The following POLR3B variants were observed in gnomAD, a reference collection of about 807,000 sequenced individuals.
POLR3B encodes the protein DNA-directed RNA polymerase III subunit RPC2.
In POLR3B, 96 loss-of-function variants were observed where a neutral mutation model predicts 147.4. The observed-to-expected ratio is 0.65, with a 90% CI of 0.55 to 0.77. The LOEUF is 0.77. Among genes scored for constraint, POLR3B ranks in the 30% least tolerant of loss-of-function variants. The pLI, the probability that POLR3B is intolerant of heterozygous loss-of-function variation, is 0.00. For synonymous variants in POLR3B, 461 were observed against 485.9 expected (o/e 0.95, Z 0.67); for missense variants, 1,036 against 1,413.5 (o/e 0.73, Z 4.28).
At chr12:106,365,535 A>G (rs975038116) in intron 2 of POLR3B, among the ~76,000 whole-genome samples, 1 of 151,900 alleles carries the variant, frequency 6.6e-6, no homozygotes, top group Non-Finnish European at 1.5e-5. Context: ...GTTATTTTTT[A>G]AAAGGAGCTG....
intron 23 of POLR3B, among the ~76,000 whole-genome samples, chr12:106,489,005 G>A (rs1216756248): frequency 6.6e-6 from 1 of 151,842 alleles, no homozygotes; most frequent in Non-Finnish European, 1.5e-5. Context: ...CTTTGATGTG[G>A]AGAGAAAAAA....
intron 27 of POLR3B, among the ~76,000 whole-genome samples, chr12:106,505,574 G>A (rs570027628): frequency 5.7e-4 from 86 of 152,176 alleles, no homozygotes; most frequent in African/African-American, 1.9e-3. Flanking sequence ...ACCATGCCCA[G>A]CCAAAAGTGA....
chr12:106,445,705 G>A lies in POLR3B; in HGVS notation c.2083+1115G>A, dbSNP rs887300129. Among the ~76,000 whole-genome samples, 33 of 152,138 alleles carry A rather than the reference G, an allele frequency of 2.2e-4. 2 individuals are homozygous for A. The highest frequency in any genetic ancestry group is 2.2e-3 in the Admixed American group (33 of 15,290). ...TCATATATGCCCATGACACCAATATGATTGCCATCTCTGATTTAAAGTATG... is the reference window on the plus strand; with the variant it reads ...TCATATATGCCCATGACACCAATATAATTGCCATCTCTGATTTAAAGTATG... On this transcript the variant is annotated intron_variant, in intron 19 of 27. Coordinates refer to ENST00000228347, the MANE Select transcript of POLR3B (RefSeq NM_018082.6).
chr12:106,451,907 G>T (rs186597992), intron 19 of POLR3B, among the ~76,000 whole-genome samples: 2 of 152,222 alleles, frequency 1.3e-5, no homozygotes, highest in East Asian at 3.9e-4. Context: ...TTATGCCTTA[G>T]TAAGTAAAGG....
At chr12:106,431,770 A>C (rs2037514319) in intron 14 of POLR3B, among the ~76,000 whole-genome samples, 1 of 152,186 alleles carries the variant, frequency 6.6e-6, no homozygotes, top group Non-Finnish European at 1.5e-5. Context: ...ATCCAGAATC[A>C]CACATTGTTT....
intron 23 of POLR3B, among the ~76,000 whole-genome samples, chr12:106,477,830 C>T (rs1304704756): frequency 7.4e-5 from 11 of 149,142 alleles, no homozygotes; most frequent in South Asian, 2.1e-4. Context: ...TCTTCTGCGT[C>T]GCTCACGGGC....
At chr12:106,422,306 T>G (rs951728300) in intron 12 of POLR3B, among the ~76,000 whole-genome samples, 2 of 152,170 alleles carry the variant, frequency 1.3e-5, no homozygotes, top group Non-Finnish European at 2.9e-5. Flanking sequence ...TCTGGCCATA[T>G]AAGACATGCT....
At chr12:106,378,424 C>A in intron 8 of POLR3B, 40 bp downstream of exon 8, 2 of 1,234,294 alleles carry the variant, frequency 1.6e-6, no homozygotes, top group South Asian at 1.2e-5. Flanking sequence ...CAATATTGGT[C>A]ATTCCATTAG....
chr12:106,387,884 G>T (rs529219198), intron 9 of POLR3B, among the ~76,000 whole-genome samples: 8 of 152,190 alleles, frequency 5.3e-5, no homozygotes, highest in Non-Finnish European at 8.8e-5. Context: ...TGGAAGGGGA[G>T]TGCCCTTTTT....
At position 106,452,271 on chromosome 12, in the gene POLR3B, C is replaced by A. The variant is rs375899774; in HGVS notation, c.2084-2231C>A. Reference sequence around the variant, plus strand: ...GTCAGTGCTGCTAAAAATGCACGTACATGTATACTCTCACAAGTTCTTTAA... The same window carrying A: ...GTCAGTGCTGCTAAAAATGCACGTAAATGTATACTCTCACAAGTTCTTTAA... On this transcript the variant is annotated intron_variant, in intron 19 of 27. Coordinates refer to ENST00000228347, the MANE Select transcript of POLR3B (RefSeq NM_018082.6). Among the ~76,000 whole-genome samples, 5 of 152,220 alleles carry A rather than the reference C, an allele frequency of 3.3e-5. No individual in the cohort carries two copies. The East Asian group carries it at 9.6e-4, about 29-fold the overall frequency.
chr12:106,383,463 T>G (rs1404412272), intron 9 of POLR3B, among the ~76,000 whole-genome samples: 4 of 91,278 alleles, frequency 4.4e-5, no homozygotes, highest in Admixed American at 4.0e-4. Context: ...CATGCAACCC[T>G]TTTTTTTACT....
At chr12:106,435,438 C>T (rs1403312409) in intron 16 of POLR3B, among the ~76,000 whole-genome samples, 2 of 152,176 alleles carry the variant, frequency 1.3e-5, no homozygotes, top group Admixed American at 6.5e-5. Context: ...AGCCATCGCA[C>T]CCAGCACCTG....
In POLR3B at chr12:106,478,023, G is replaced by C. The variant is rs190272371; in HGVS notation, c.2713+14403G>C. ...GGGTTCAAGCAATTCTTCTGCCTCA[G>C]CATCCCCCATTAGCTGGGACTACAG... On this transcript the variant is annotated intron_variant, in intron 23 of 27. Coordinates refer to ENST00000228347, the MANE Select transcript of POLR3B (RefSeq NM_018082.6). 1.1e-3 allele frequency among the ~76,000 whole-genome samples: 165 copies of C among 144,618 alleles called. 4 individuals are homozygous for C. The East Asian group carries it at 0.021, about 18-fold the overall frequency. The allele number at this position is 144,618 out of a possible 152,430, so 94.9% of individuals were successfully genotyped here. A position where few individuals can be genotyped will look rare whatever the true frequency, so the allele number is the denominator to read the frequency against.
chr12:106,380,530 C>G (rs1379973508), intron 9 of POLR3B, among the ~76,000 whole-genome samples: 1 of 152,068 alleles, frequency 6.6e-6, no homozygotes, highest in Non-Finnish European at 1.5e-5. Context: ...TTGCAGTGAG[C>G]TGAGATTGTG....
chr12:106,497,850 C>T (rs1180126209), intron 25 of POLR3B, among the ~76,000 whole-genome samples: 3 of 152,158 alleles, frequency 2.0e-5, no homozygotes, highest in Non-Finnish European at 2.9e-5. Context: ...AAACTATAAC[C>T]CCATACTGCC....
intron 23 of POLR3B, among the ~76,000 whole-genome samples, chr12:106,477,772 C>T (rs2038197659): frequency 6.6e-6 from 1 of 152,132 alleles, no homozygotes; most frequent in Non-Finnish European, 1.5e-5. Context: ...CTGGCACTCC[C>T]TACTGAGATG....
Position 106,430,397 on chromosome 12 carries a change from G to A in POLR3B, c.1388G>A (p.Arg463Lys). Reference sequence around the variant, plus strand: ...ATCTCTTCCCAGTTTGAAAAAACGAGAAAAGTGAGTGGTCCTCGCTCCCTC... The same window carrying A: ...ATCTCTTCCCAGTTTGAAAAAACGAAAAAAGTGAGTGGTCCTCGCTCCCTC... Reference protein sequence around the residue: ...TRISSQFEKTRKVSGPRSLQP... With the variant: ...TRISSQFEKTKKVSGPRSLQP... Residue 463 changes from arginine (R) to lysine (K), a missense_variant, in exon 14 of 28, where the codon AGA becomes AAA. Around this residue, in one of 12 missense-constraint regions of POLR3B, gnomAD observed 4 missense variants for 25.1 expected, o/e 0.16. Coordinates refer to ENST00000228347, the MANE Select transcript of POLR3B (RefSeq NM_018082.6). 6.2e-7 allele frequency: 1 copy of A among 1,613,958 alleles called. No individual in the cohort carries two copies. Among genetic ancestry groups the A allele is most frequent in the Non-Finnish European group, 8.5e-7 (1 of 1,179,950 alleles).
At chr12:106,438,405 TTATA>T (rs941132660) in intron 18 of POLR3B, among the ~76,000 whole-genome samples, 1 of 151,982 alleles carries the variant, frequency 6.6e-6, no homozygotes, top group African/African-American at 2.4e-5. Context: ...GTGTGACAGT[TTATA>T]TATATACACA....
intron 19 of POLR3B, chr12:106,446,096 G>A (rs748966419): frequency 2.7e-5 from 8 of 297,650 alleles, no homozygotes; most frequent in African/African-American, 1.3e-4. Context: ...CTGATTTCCC[G>A]CTTGTGCTTC....
Sources: gnomAD v4.1 joint callset for allele counts (sites outside exome capture counted in the v4.1 genomes callset) on GRCh38, gnomAD v4.1.1 for gene constraint, gnomAD v4.1.1 regional missense constraint, MANE v1.5 for transcripts, NCBI Gene and HGNC (gene_info 2026-07-23, HGNC 2026-07-21) for gene names.